DIP2A: variants seen among roughly 807,000 people sequenced by gnomAD.
DIP2A encodes disco-interacting protein 2 homolog A.
DIP2A carries 85 observed loss-of-function variants against 177.4 expected under a neutral mutation model. The ratio of observed to expected loss-of-function variants is 0.48; its 90% confidence interval spans 0.40 to 0.57. The LOEUF (loss-of-function observed/expected upper bound fraction) is 0.57, where lower values mean the gene tolerates loss of function less well. DIP2A is among the 20% of genes least tolerant of loss of function. The pLI, the probability that DIP2A is intolerant of heterozygous loss-of-function variation, is 0.00. For missense variants in DIP2A, 1,791 were observed against 2,100.2 expected (o/e 0.85, Z 2.88); for synonymous variants, 886 against 881.8 (o/e 1.00, Z -0.08).
intron 8 of DIP2A, among the ~76,000 whole-genome samples, chr21:46,514,227 G>C (rs1785928796): frequency 6.6e-6 from 1 of 152,110 alleles, no homozygotes; most frequent in South Asian, 2.1e-4. Context: ...GAGGTCAGGA[G>C]ATCAAGACTT....
chr21:46,532,840 T>A (rs1311472084), intron 10 of DIP2A, among the ~76,000 whole-genome samples: 1 of 152,088 alleles, frequency 6.6e-6, no homozygotes, highest in Admixed American at 6.6e-5. Context: ...TGAAAAAAAA[T>A]AGACAAGGCA....
chr21:46,484,185 A>G (rs1215732865), intron 1 of DIP2A, among the ~76,000 whole-genome samples: 4 of 152,140 alleles, frequency 2.6e-5, no homozygotes, highest in Non-Finnish European at 5.9e-5. Flanking sequence ...TAAAGTGCGG[A>G]TTTGGATTCT....
intron 8 of DIP2A, among the ~76,000 whole-genome samples, chr21:46,521,510 A>G (rs554125374): frequency 6.6e-6 from 1 of 152,134 alleles, no homozygotes; most frequent in African/African-American, 2.4e-5. Context: ...TTTTTTTAAT[A>G]TAAAAATCCT....
the DIP2A span, among the ~76,000 whole-genome samples, chr21:46,579,278 G>A: frequency 6.6e-6 from 1 of 152,176 alleles, no homozygotes; most frequent in African/African-American, 2.4e-5. Flanking sequence ...ATGGTTGTTT[G>A]TATTTCCGTA....
intron 7 of DIP2A, among the ~76,000 whole-genome samples, chr21:46,509,739 CCT>C (rs1305578677): frequency 2.0e-5 from 3 of 152,020 alleles, no homozygotes; most frequent in Non-Finnish European, 4.4e-5. Flanking sequence ...AGAATTTTAG[CCT>C]CTCATATGTG....
At position 46,496,980 on chromosome 21, in the gene DIP2A, C is replaced by T. The variant is rs1396886824; in HGVS notation, c.284-8C>T. 6.2e-7 allele frequency: 1 copy of T among 1,606,870 alleles called. No individual in the cohort carries two copies. The highest frequency in any genetic ancestry group is 1.7e-5 in the Admixed American group (1 of 57,790). On this transcript the variant is annotated splice_region_variant and splice_polypyrimidine_tract_variant and intron_variant, in intron 3 of 37. Coordinates refer to ENST00000417564, the MANE Select transcript of DIP2A (RefSeq NM_015151.4). ...AAAAGTATTTTTACTGCTGTCCTTCCTGTGTAGATGTCCACACTGAAGCCG... is the reference window on the plus strand; with the variant it reads ...AAAAGTATTTTTACTGCTGTCCTTCTTGTGTAGATGTCCACACTGAAGCCG...
At chr21:46,572,748 G>A (rs2060976861), downstream of DIP2A, among the ~76,000 whole-genome samples, 1 of 152,182 alleles carries the variant, frequency 6.6e-6, no homozygotes, top group African/African-American at 2.4e-5. Context: ...TTCTTATAAT[G>A]TAGCCAATTT....
At chr21:46,577,624 G>T in the DIP2A span, among the ~76,000 whole-genome samples, 3 of 150,060 alleles carry the variant, frequency 2.0e-5, no homozygotes, top group East Asian at 3.9e-4. Flanking sequence ...GCTTTTTTTT[G>T]GTATCATATC....
At chr21:46,514,415 G>A (rs1216568839) in intron 8 of DIP2A, among the ~76,000 whole-genome samples, 8 of 146,448 alleles carry the variant, frequency 5.5e-5, no homozygotes, top group African/African-American at 2.0e-4. Flanking sequence ...CAGCCTGGGC[G>A]ACAGAGCAAG....
At chr21:46,579,007 G>A in the DIP2A span, among the ~76,000 whole-genome samples, 1 of 152,090 alleles carries the variant, frequency 6.6e-6, no homozygotes. Flanking sequence ...CTTTTCTATT[G>A]TTTGGAATAG....
At position 46,560,746 on chromosome 21, in the gene DIP2A, A is replaced by G. The variant is rs1332549398; in HGVS notation, c.3994A>G (p.Thr1332Ala). Residue 1332 changes from threonine (T) to alanine (A), a missense_variant, in exon 33 of 38, where the codon ACC becomes GCC. Thr to Ala is a moderately conservative substitution (Grantham distance 58, BLOSUM62 0). Transcript: ENST00000417564. ...LQGTAGPDPTTVYVDMRALRH... is the reference protein window; with the variant it reads ...LQGTAGPDPTAVYVDMRALRH... ...GGGCACAGCTGGCCCGGACCCCACA[A>G]CCGTCTACGTGGACATGCGGGCACT... 3 of 1,609,542 alleles carry G rather than the reference A, an allele frequency of 1.9e-6. No homozygotes were observed. Among genetic ancestry groups the G allele is most frequent in the Non-Finnish European group, 2.5e-6 (3 of 1,178,196 alleles).
chr21:46,482,292 T>G (rs8134014), intron 1 of DIP2A, among the ~76,000 whole-genome samples: 128,820 of 152,160 alleles, frequency 0.85, 54,850 homozygotes, highest in African/African-American at 0.92. Flanking sequence ...GGGCAACGAT[T>G]GACCACATAT....
intron 2 of DIP2A, among the ~76,000 whole-genome samples, chr21:46,489,257 A>T (rs1426442566): frequency 6.6e-6 from 1 of 152,260 alleles, no homozygotes; most frequent in Non-Finnish European, 1.5e-5. Context: ...CTTGAACAAC[A>T]TCAGCAGCAT....
At chr21:46,580,516 A>C in the DIP2A span, among the ~76,000 whole-genome samples, 2 of 152,152 alleles carry the variant, frequency 1.3e-5, no homozygotes, top group African/African-American at 4.8e-5. Context: ...TTGCAGACTT[A>C]TTAATGTAGT....
intron 2 of DIP2A, among the ~76,000 whole-genome samples, chr21:46,490,379 G>A (rs2056940362): frequency 6.6e-6 from 1 of 152,178 alleles, no homozygotes; most frequent in Admixed American, 6.5e-5. Flanking sequence ...TGCGGATGGT[G>A]AATGAGAGGC....
chr21:46,571,977 C>T (rs185479933), downstream of DIP2A, among the ~76,000 whole-genome samples: 198 of 152,154 alleles, frequency 1.3e-3, no homozygotes, highest in Admixed American at 3.9e-3. Context: ...TGTCTTGTGC[C>T]GGTTTTCAAA....
At position 46,537,161 on chromosome 21, in the gene DIP2A, GAAAATGCAT is replaced by G; in HGVS notation, c.1643-61_1643-53del. The G allele has an allele frequency of 2.6e-6, 4 of 1,565,378 alleles. No individual in the cohort carries two copies. Among genetic ancestry groups the G allele is most frequent in the Non-Finnish European group, 2.6e-6 (3 of 1,135,662 alleles). ...ACGTACTCACCTCAGAATTTCTCTA[GAAAATGCAT>G]AGGGCTTATTGAGAGGGTTGCTCAG... On this transcript the variant is annotated intron_variant, in intron 13 of 37. Coordinates refer to ENST00000417564, the MANE Select transcript of DIP2A (RefSeq NM_015151.4). The surrounding 1 kb of genome is among the most constrained non-coding windows in gnomAD (Gnocchi z 4.1).
intron 22 of DIP2A, chr21:46,550,227 T>C: frequency 1.5e-6 from 1 of 657,276 alleles, no homozygotes; most frequent in Non-Finnish European, 2.5e-6. Flanking sequence ...AGAAAAAACT[T>C]TCCTCCTCCT....
intron 1 of DIP2A, among the ~76,000 whole-genome samples, chr21:46,474,757 A>G (rs1295660422): frequency 6.6e-6 from 1 of 152,208 alleles, no homozygotes; most frequent in Non-Finnish European, 1.5e-5. Context: ...AGCTGGAACT[A>G]TAGCTGCGCA....
Sources: allele counts gnomAD v4.1 joint callset (sites outside exome capture counted in the v4.1 genomes callset), GRCh38; gene constraint gnomAD v4.1.1; non-coding constraint Gnocchi (gnomAD v3.1); transcripts MANE v1.5; gene names NCBI Gene and HGNC (gene_info 2026-07-23, HGNC 2026-07-21).